Variants in SORBS2 observed in about 807,000 individuals in gnomAD.
SORBS2 encodes sorbin and SH3 domain-containing protein 2.
SORBS2 carries 46 observed loss-of-function variants against 97.7 expected under a neutral mutation model. The observed-to-expected ratio is 0.47, with a 90% CI of 0.37 to 0.60. SORBS2 has a LOEUF of 0.60. SORBS2 is among the 20% of genes least tolerant of loss of function. SORBS2 has a pLI of 0.00. For synonymous variants in SORBS2, 476 were observed against 473.4 expected (o/e 1.01, Z -0.07); for missense variants, 1,316 against 1,282.3 (o/e 1.03, Z -0.40).
chr4:185,718,278 A>G (rs2153557459), intron 2 of SORBS2, among the ~76,000 whole-genome samples: 1 of 152,310 alleles, frequency 6.6e-6, no homozygotes, highest in Admixed American at 6.5e-5. Context: ...TAGCTGGCGC[A>G]GAACAAATGA....
At chr4:185,742,745 G>A (rs981709230) in intron 2 of SORBS2, among the ~76,000 whole-genome samples, 4 of 152,244 alleles carry the variant, frequency 2.6e-5, no homozygotes, top group Admixed American at 2.6e-4. Flanking sequence ...GAGAGAAAAT[G>A]TAGGAAAGTC....
At chr4:185,897,331 C>T (rs1229609796) in intron 1 of SORBS2, among the ~76,000 whole-genome samples, 1 of 152,190 alleles carries the variant, frequency 6.6e-6, no homozygotes, top group East Asian at 1.9e-4. Flanking sequence ...GGAAAGCTGA[C>T]CAGAGAGGCC....
At chr4:185,716,758 G>A (rs1197052933) in intron 2 of SORBS2, among the ~76,000 whole-genome samples, 3 of 152,120 alleles carry the variant, frequency 2.0e-5, no homozygotes, top group African/African-American at 7.2e-5. Flanking sequence ...GGATTGAGTG[G>A]GAGCCAGTTC....
At chr4:185,594,579 T>C (rs1429053077) in intron 12 of SORBS2, among the ~76,000 whole-genome samples, 2 of 152,144 alleles carry the variant, frequency 1.3e-5, no homozygotes, top group Admixed American at 6.5e-5. Flanking sequence ...AAGAGAAACA[T>C]TGGTAGAAAT....
chr4:185,683,188 TA>T (rs2097899473), intron 2 of SORBS2, among the ~76,000 whole-genome samples: 1 of 152,128 alleles, frequency 6.6e-6, no homozygotes, highest in South Asian at 2.1e-4. Flanking sequence ...GCTACATTGT[TA>T]TTACTGAAGA....
At chr4:185,677,561 G>T in intron 4 of SORBS2, 1 of 1,546,400 alleles carries the variant, frequency 6.5e-7, no homozygotes, top group Non-Finnish European at 8.7e-7. Context: ...TTACTAACTG[G>T]TCTAAAATGA....
At chr4:185,650,449 A>C (rs1303061247) in intron 2 of SORBS2, among the ~76,000 whole-genome samples, 2 of 152,144 alleles carry the variant, frequency 1.3e-5, no homozygotes, top group East Asian at 3.9e-4. Flanking sequence ...CGGTTAGTAG[A>C]GAGCAAAGAG....
intron 1 of SORBS2, among the ~76,000 whole-genome samples, chr4:185,952,009 T>A (rs2099277425): frequency 6.6e-6 from 1 of 151,530 alleles, no homozygotes; most frequent in Admixed American, 6.6e-5. Context: ...TCAAAAGTGG[T>A]AGAAGAAAGT....
chr4:185,800,631 G>A (rs1289100029), intron 1 of SORBS2, among the ~76,000 whole-genome samples: 1 of 152,118 alleles, frequency 6.6e-6, no homozygotes, highest in African/African-American at 2.4e-5. Flanking sequence ...CCAGGGCTGT[G>A]CATGGGCTTA....
chr4:185,905,275 A>G (rs2149845620), intron 1 of SORBS2, among the ~76,000 whole-genome samples: 1 of 152,342 alleles, frequency 6.6e-6, no homozygotes, highest in Admixed American at 6.5e-5. Flanking sequence ...TTATATCTAT[A>G]CAAATATAAA....
At chr4:185,895,226 T>C (rs1341245777) in intron 1 of SORBS2, among the ~76,000 whole-genome samples, 1 of 152,206 alleles carries the variant, frequency 6.6e-6, no homozygotes, top group Non-Finnish European at 1.5e-5. Flanking sequence ...GCAACAGCAG[T>C]GAACTAAGTC....
chr4:185,641,654 T>C (rs974769498), intron 4 of SORBS2, among the ~76,000 whole-genome samples: 5 of 151,866 alleles, frequency 3.3e-5, no homozygotes, highest in African/African-American at 1.2e-4. Flanking sequence ...ATTTAGGAGG[T>C]ATGATTATGG....
upstream of SORBS2, among the ~76,000 whole-genome samples, chr4:185,660,396 C>T (rs2097497720): frequency 6.6e-6 from 1 of 152,112 alleles, no homozygotes; most frequent in African/African-American, 2.4e-5. Flanking sequence ...CATTATAACA[C>T]CACACTATGG....
At chr4:185,786,643 C>T (rs909162429) in intron 1 of SORBS2, among the ~76,000 whole-genome samples, 2 of 152,130 alleles carry the variant, frequency 1.3e-5, no homozygotes, top group Non-Finnish European at 2.9e-5. Flanking sequence ...ACTTAATCTC[C>T]CTGAGCCTGG....
upstream of SORBS2, among the ~76,000 whole-genome samples, chr4:185,657,955 A>T (rs1360314294): frequency 2.0e-5 from 3 of 152,190 alleles, no homozygotes; most frequent in African/African-American, 7.2e-5. Context: ...AGTGTTATAG[A>T]TAAGGGGCAG....
chr4:185,867,614 A>G (rs1423412878), intron 1 of SORBS2, among the ~76,000 whole-genome samples: 2 of 152,222 alleles, frequency 1.3e-5, no homozygotes, highest in East Asian at 3.9e-4. Flanking sequence ...GAGTTCAACC[A>G]TTGGACTGAC....
intron 4 of SORBS2, among the ~76,000 whole-genome samples, chr4:185,645,266 T>C (rs1179255026): frequency 6.6e-6 from 1 of 152,234 alleles, no homozygotes; most frequent in Non-Finnish European, 1.5e-5. Flanking sequence ...TTTCACTGTT[T>C]TCAATTTTCT....
chr4:185,614,723 G>A (rs2096601930), intron 11 of SORBS2, 108 bp downstream of exon 23: 1 of 1,338,938 alleles, frequency 7.5e-7, no homozygotes, highest in Non-Finnish European at 1.0e-6. Flanking sequence ...ACATAAAAAT[G>A]TCTAAAGAAA....
intron 1 of SORBS2, among the ~76,000 whole-genome samples, chr4:185,870,420 G>C (rs1003140090): frequency 3.9e-5 from 6 of 152,210 alleles, no homozygotes; most frequent in African/African-American, 1.2e-4. Flanking sequence ...CCAGACAAAG[G>C]AGGCTTATTT....
Sources: allele counts gnomAD v4.1 joint callset (sites outside exome capture counted in the v4.1 genomes callset), GRCh38; gene constraint gnomAD v4.1.1; transcripts MANE v1.5; gene names NCBI Gene and HGNC (gene_info 2026-07-23, HGNC 2026-07-21).